The following SIK3 variants were observed in gnomAD, a reference collection of about 807,000 sequenced individuals.
SIK3 encodes the protein SIK family kinase 3, also known as serine/threonine-protein kinase SIK3.
Under a neutral mutation model 144.2 loss-of-function variants are expected in SIK3, and 28 were observed. That is an observed-to-expected ratio of 0.19 (90% CI 0.14 to 0.27). SIK3 has a LOEUF of 0.27. SIK3 is among the 10% of genes least tolerant of loss of function. The pLI is 1.00. For missense variants in SIK3, 1,319 were observed against 1,776.0 expected (o/e 0.74, Z 4.62); for synonymous variants, 686 against 676.3 (o/e 1.01, Z -0.22).
intron 22 of SIK3, 121 bp downstream of exon 22, chr11:116,848,999 C>A: frequency 8.6e-7 from 1 of 1,168,672 alleles, no homozygotes; most frequent in Non-Finnish European, 1.2e-6. Context: ...CCACCGTTTC[C>A]AGAAAGGCTG....
In SIK3 at chr11:117,098,251, G is replaced by A. The variant is rs774495454; in HGVS notation, c.165C>T (p.Ser55=). 1 of 1,452,868 alleles carries A rather than the reference G, an allele frequency of 6.9e-7. No individual in the cohort carries two copies. Among genetic ancestry groups the A allele is most frequent in the South Asian group, 1.3e-5 (1 of 79,394 alleles). The allele number at this position is 1,452,868 out of a possible 1,614,324, so 90.0% of individuals were successfully genotyped here. ...CGATACGGGCGGGCATGGGTCCGCG[G>A]GAGGCCGGGGCTGGGGGACGCGGCT... ...AGQPRPPAPA[S]RGPMPARIGY... The change falls in exon 1 of 25, where the codon TCC becomes TCT. Residue 55 remains serine, a synonymous_variant. Transcript: ENST00000445177.
chr11:116,907,975 C>A (rs1946133402), intron 4 of SIK3, among the ~76,000 whole-genome samples: 2 of 132,586 alleles, frequency 1.5e-5, no homozygotes, highest in Non-Finnish European at 1.7e-5. Flanking sequence ...GTAAAACTAT[C>A]ACGTTTTTAT....
At chr11:116,909,351 A>G (rs1946215942) in intron 4 of SIK3, among the ~76,000 whole-genome samples, 1 of 152,026 alleles carries the variant, frequency 6.6e-6, no homozygotes, top group Non-Finnish European at 1.5e-5. Flanking sequence ...TAGAGCACAT[A>G]AGTGATTAAC....
chr11:117,094,688 T>C (rs1459621991), intron 1 of SIK3, among the ~76,000 whole-genome samples: 2 of 152,032 alleles, frequency 1.3e-5, no homozygotes, highest in African/African-American at 2.4e-5. Flanking sequence ...GAAGGTATAA[T>C]TAGGCACAGG....
chr11:116,873,636 C>G lies in SIK3; in HGVS notation c.1582G>C (p.Glu528Gln), dbSNP rs1479932071. 1 of 1,547,032 alleles carries G rather than the reference C, an allele frequency of 6.5e-7. No individual in the cohort carries two copies. Among genetic ancestry groups the G allele is most frequent in the Admixed American group, 2.1e-5 (1 of 48,408 alleles). The stretch of plus-strand genomic sequence containing the variant: ...GTGGGCGGCTGTAGGAGAGACTGCT[C>G]CTGCCAGGAACAGAGTGGGGAGGAC... ...LQPTGQLEYK[E>Q]QSLLQPPTLQ... Residue 528 changes from glutamate to glutamine, a missense_variant and splice_region_variant, in exon 13 of 25, where the codon GAG becomes CAG. Coordinates refer to ENST00000445177, the MANE Select transcript of SIK3 (RefSeq NM_001366686.3).
At chr11:116,955,336 T>C (rs1213262465) in intron 2 of SIK3, among the ~76,000 whole-genome samples, 1 of 152,210 alleles carries the variant, frequency 6.6e-6, no homozygotes, top group Non-Finnish European at 1.5e-5. Flanking sequence ...AGGCGCAGGC[T>C]GCAGTGAGCA....
intron 6 of SIK3, among the ~76,000 whole-genome samples, chr11:116,881,843 T>G (rs904797691): frequency 3.9e-5 from 6 of 152,194 alleles, no homozygotes; most frequent in Non-Finnish European, 5.9e-5. Flanking sequence ...TTAAGTTAAT[T>G]TAAGCATCTA....
intron 21 of SIK3, among the ~76,000 whole-genome samples, chr11:116,856,070 A>G (rs1942891619): frequency 6.6e-6 from 1 of 152,006 alleles, no homozygotes; most frequent in Non-Finnish European, 1.5e-5. Context: ...GGTGGCGGGC[A>G]CATGTAGTCC....
intron 1 of SIK3, among the ~76,000 whole-genome samples, chr11:116,973,786 G>A (rs1184916815): frequency 6.6e-6 from 1 of 152,096 alleles, no homozygotes; most frequent in Non-Finnish European, 1.5e-5. Context: ...ATCTAATCAT[G>A]ACAAAGACAT....
chr11:116,981,447 C>T (rs1341430080), intron 1 of SIK3, among the ~76,000 whole-genome samples: 1 of 152,176 alleles, frequency 6.6e-6, no homozygotes, highest in East Asian at 1.9e-4. Flanking sequence ...TATGACTTAG[C>T]CTCAGAAATG....
At chr11:116,852,374 T>A (rs1335870549) in intron 21 of SIK3, among the ~76,000 whole-genome samples, 1 of 152,078 alleles carries the variant, frequency 6.6e-6, no homozygotes, top group Non-Finnish European at 1.5e-5. Context: ...TGACAAATCA[T>A]GTAGGGGGCC....
chr11:116,915,195 G>A (rs1001337889), intron 4 of SIK3, among the ~76,000 whole-genome samples: 3 of 146,870 alleles, frequency 2.0e-5, no homozygotes, highest in African/African-American at 7.8e-5. Context: ...GGGCGGGGGG[G>A]CAGGCGGTGG....
chr11:117,098,281 G>A lies in SIK3; in HGVS notation c.135C>T (p.Ala45=), dbSNP rs541934021. Residue 45 remains alanine (A), a synonymous_variant, in exon 1 of 25, where the codon GCC becomes GCT. Coordinates refer to ENST00000445177, the MANE Select transcript of SIK3 (RefSeq NM_001366686.3). Reference sequence around the variant, plus strand: ...CCGGGGCTGGGGGACGCGGCTGGCCGGCCGCAGGGGACACGGCAGCGGGGG... The same window carrying A: ...CCGGGGCTGGGGGACGCGGCTGGCCAGCCGCAGGGGACACGGCAGCGGGGG... The part of the protein sequence containing the change: ...PAAPAAVSPA[A]GQPRPPAPAS... 3.7e-5 allele frequency: 50 copies of A among 1,334,378 alleles called. No homozygotes were observed. In the African/African-American group the frequency reaches 6.7e-4, roughly 18 times the overall value. The allele number at this position is 1,334,378 out of a possible 1,614,324, so 82.7% of individuals were successfully genotyped here.
At chr11:116,995,017 C>T (rs1241709806) in intron 1 of SIK3, among the ~76,000 whole-genome samples, 1 of 151,906 alleles carries the variant, frequency 6.6e-6, no homozygotes, top group Non-Finnish European at 1.5e-5. Flanking sequence ...GCCTGTAATC[C>T]CAGCACTTGG....
intron 6 of SIK3, among the ~76,000 whole-genome samples, chr11:116,885,744 C>T (rs1944784018): frequency 6.6e-6 from 1 of 152,172 alleles, no homozygotes; most frequent in Non-Finnish European, 1.5e-5. Context: ...AAAATACAAA[C>T]ACATATGGTT....
At chr11:116,981,094 C>A (rs892416271) in intron 1 of SIK3, among the ~76,000 whole-genome samples, 3 of 152,172 alleles carry the variant, frequency 2.0e-5, no homozygotes, top group Non-Finnish European at 4.4e-5. Flanking sequence ...TCAATCGATG[C>A]ATATCAAACC....
At chr11:117,055,634 G>A (rs1471337111) in intron 1 of SIK3, among the ~76,000 whole-genome samples, 1 of 152,214 alleles carries the variant, frequency 6.6e-6, no homozygotes, top group Non-Finnish European at 1.5e-5. Flanking sequence ...CTATCTCATA[G>A]GATGGTTGTA....
chr11:117,093,559 C>T (rs1026770826), intron 1 of SIK3, among the ~76,000 whole-genome samples: 1 of 151,952 alleles, frequency 6.6e-6, no homozygotes, highest in Non-Finnish European at 1.5e-5. Flanking sequence ...AACTCTGTTC[C>T]ATCATCAACA....
intron 1 of SIK3, among the ~76,000 whole-genome samples, chr11:117,038,820 C>A (rs532380983): frequency 5.3e-5 from 8 of 152,062 alleles, no homozygotes; most frequent in Non-Finnish European, 7.4e-5. Flanking sequence ...GAGGCGGAGG[C>A]GGGCATATCA....
Sources: gnomAD v4.1 joint callset for allele counts (sites outside exome capture counted in the v4.1 genomes callset) on GRCh38, gnomAD v4.1.1 for gene constraint, MANE v1.5 for transcripts, NCBI Gene and HGNC (gene_info 2026-07-23, HGNC 2026-07-21) for gene names.